VPS13B: variants seen among roughly 807,000 people sequenced by gnomAD.
VPS13B encodes the protein vacuolar protein sorting 13 homolog B.
VPS13B carries 285 observed loss-of-function variants against 426.4 expected under a neutral mutation model. That is an observed-to-expected ratio of 0.67 (90% CI 0.61 to 0.74). VPS13B has a LOEUF of 0.74. VPS13B is among the 30% of genes least tolerant of loss of function. VPS13B has a pLI of 0.00. For missense variants in VPS13B, 4,537 were observed against 4,782.6 expected (o/e 0.95, Z 1.51); for synonymous variants, 1,676 against 1,676.4 (o/e 1.00, Z 0.01).
chr8:99,821,168 C>CA, intron 49 of VPS13B, 126 bp from the exon 50 acceptor site: 12 of 416,236 alleles, frequency 2.9e-5, no homozygotes, highest in Non-Finnish European at 3.7e-5. Flanking sequence ...ACACACACAC[C>CA]ATGGAGGGAT....
At chr8:99,154,658 G>A (rs942874179) in intron 14 of VPS13B, among the ~76,000 whole-genome samples, 1 of 152,130 alleles carries the variant, frequency 6.6e-6, no homozygotes, top group African/African-American at 2.4e-5. Context: ...TTAGAGTTCA[G>A]GCCCTGCCAC....
At chr8:99,276,644 G>T (rs968277310) in intron 19 of VPS13B, among the ~76,000 whole-genome samples, 1 of 152,156 alleles carries the variant, frequency 6.6e-6, no homozygotes, top group Non-Finnish European at 1.5e-5. Context: ...GCCAGATTTG[G>T]CCTATGTGGT....
chr8:99,274,191 T>G lies in VPS13B; in HGVS notation c.2516-7T>G. The G allele has an allele frequency of 6.2e-7, 1 of 1,614,114 alleles. No individual in the cohort carries two copies. Among genetic ancestry groups the G allele is most frequent in the Non-Finnish European group, 8.5e-7 (1 of 1,179,992 alleles). On this transcript the variant is annotated splice_region_variant and splice_polypyrimidine_tract_variant and intron_variant, in intron 17 of 61. Coordinates refer to ENST00000357162, the MANE Select transcript of VPS13B (RefSeq NM_152564.5). ...CGGCTAGTACATTTGCAGTTTTCTT[T>G]TATTAGGTGTGAAATCTAAGAATCC... is the stretch of plus-strand genomic sequence containing the variant.
chr8:99,200,088 T>C (rs571502380), intron 17 of VPS13B, among the ~76,000 whole-genome samples: 1 of 152,196 alleles, frequency 6.6e-6, no homozygotes, highest in African/African-American at 2.4e-5. Flanking sequence ...ACTAATCTAC[T>C]TTTTGTCTGT....
chr8:99,520,405 G>A (rs1018597754), intron 29 of VPS13B, among the ~76,000 whole-genome samples: 1 of 151,254 alleles, frequency 6.6e-6, no homozygotes, highest in African/African-American at 2.4e-5. Context: ...GTGTGTGTGT[G>A]TGTGTGTGTG....
chr8:99,536,465 G>A (rs1322260449), intron 30 of VPS13B, among the ~76,000 whole-genome samples: 1 of 152,068 alleles, frequency 6.6e-6, no homozygotes, highest in Non-Finnish European at 1.5e-5. Flanking sequence ...ACTGGCTGTA[G>A]CATGAGCTTT....
intron 17 of VPS13B, among the ~76,000 whole-genome samples, chr8:99,250,586 A>G (rs13275213): frequency 3.4e-5 from 5 of 146,640 alleles, no homozygotes; most frequent in Admixed American, 6.8e-5. Flanking sequence ...TTGTATTTGC[A>G]CCTATGTGAG....
chr8:99,334,794 A>G (rs1458638304), intron 19 of VPS13B, among the ~76,000 whole-genome samples: 1 of 152,130 alleles, frequency 6.6e-6, no homozygotes, highest in African/African-American at 2.4e-5. Flanking sequence ...ATCAATGTTC[A>G]TCAAGGATAT....
intron 39 of VPS13B, among the ~76,000 whole-genome samples, chr8:99,749,359 C>G (rs1029736522): frequency 6.6e-6 from 1 of 151,906 alleles, no homozygotes; most frequent in African/African-American, 2.4e-5. Flanking sequence ...TTTTGTATCC[C>G]TTAACCATAC....
intron 17 of VPS13B, among the ~76,000 whole-genome samples, chr8:99,232,218 CAG>C (rs554437361): frequency 1.3e-5 from 2 of 152,014 alleles, no homozygotes; most frequent in South Asian, 2.1e-4. Flanking sequence ...GAGAGATAAA[CAG>C]AGAGAGAGAT....
At chr8:99,130,813 T>A (rs750646107) in intron 8 of VPS13B, among the ~76,000 whole-genome samples, 13 of 152,216 alleles carry the variant, frequency 8.5e-5, no homozygotes, top group Non-Finnish European at 1.9e-4. Flanking sequence ...TTAAAATAGC[T>A]ACATTGTATA....
intron 39 of VPS13B, among the ~76,000 whole-genome samples, chr8:99,741,150 C>T (rs1809699662): frequency 6.6e-6 from 1 of 151,504 alleles, no homozygotes; most frequent in South Asian, 2.1e-4. Flanking sequence ...AAATGGAAAA[C>T]AAAAAAAGGC....
intron 39 of VPS13B, among the ~76,000 whole-genome samples, chr8:99,745,403 G>A (rs940055843): frequency 1.3e-4 from 20 of 151,920 alleles, no homozygotes; most frequent in Admixed American, 6.6e-5. Context: ...TTCACTTTCT[G>A]TGGTTTCACT....
intron 33 of VPS13B, among the ~76,000 whole-genome samples, chr8:99,606,742 C>A (rs2133867643): frequency 6.6e-6 from 1 of 151,536 alleles, no homozygotes; most frequent in South Asian, 2.1e-4. Context: ...GATTCTCCTG[C>A]CTCATCCTCC....
At position 99,876,730 on chromosome 8, in the gene VPS13B, A is replaced by ATCTT. The variant is rs1420338993; in HGVS notation, c.*1069_*1072dup. 1 of 152,214 alleles carries ATCTT rather than the reference A, an allele frequency of 6.6e-6. No homozygotes were observed. Among genetic ancestry groups the ATCTT allele is most frequent in the Non-Finnish European group, 1.5e-5 (1 of 68,036 alleles). 9.4% of individuals were successfully genotyped at this position (152,214 alleles called of 1,614,324 possible). Reference sequence around the variant, plus strand: ...AAGATGTCTTAAATGTTCAGTAAATATCTTTCTTACAGTCCAGTAGCTTAG... The same window carrying ATCTT: ...AAGATGTCTTAAATGTTCAGTAAATATCTTTCTTTCTTACAGTCCAGTAGCTTAG... On this transcript the variant is annotated 3_prime_UTR_variant, in exon 62 of 62. Coordinates refer to ENST00000357162, the MANE Select transcript of VPS13B (RefSeq NM_152564.5).
At chr8:99,762,699 G>A (rs1464252655) in intron 39 of VPS13B, among the ~76,000 whole-genome samples, 1 of 151,924 alleles carries the variant, frequency 6.6e-6, no homozygotes, top group Admixed American at 6.6e-5. Context: ...GCATGAGAGG[G>A]GTAAATAATG....
rs563422040 is a variant in VPS13B, at chr8:99,596,193, CT to C, written c.5220+18570del. Among the ~76,000 whole-genome samples the C allele has an allele frequency of 7.9e-4, 117 of 148,738 alleles. 2 individuals are homozygous for C. In the South Asian group the frequency reaches 8.7e-3, roughly 11 times the overall value. On this transcript the variant is annotated intron_variant, in intron 33 of 61. Transcript: ENST00000357162. ...TCTGAAAAGAATTTTGCTGTAAGTT[CT>C]TTTTTTTTTAAACAGAAACTATCAT...
intron 19 of VPS13B, among the ~76,000 whole-genome samples, chr8:99,311,328 C>T (rs1820961293): frequency 6.6e-6 from 1 of 152,200 alleles, no homozygotes; most frequent in Non-Finnish European, 1.5e-5. Flanking sequence ...TTTCCCTCTA[C>T]ACACTGCTTC....
chr8:99,615,166 G>A (rs1259622275), intron 33 of VPS13B, among the ~76,000 whole-genome samples: 1 of 150,894 alleles, frequency 6.6e-6, no homozygotes, highest in African/African-American at 2.4e-5. Context: ...TAAGTACCAG[G>A]AAGTTTTCAT....
Sources: gnomAD v4.1 joint callset for allele counts (sites outside exome capture counted in the v4.1 genomes callset) on GRCh38, gnomAD v4.1.1 for gene constraint, MANE v1.5 for transcripts, NCBI Gene and HGNC (gene_info 2026-07-23, HGNC 2026-07-21) for gene names.